The following CES5A variants were observed in gnomAD, a reference collection of about 807,000 sequenced individuals.
CES5A encodes carboxylesterase 5A.
CES5A carries 67 observed loss-of-function variants against 62.9 expected under a neutral mutation model. The observed-to-expected ratio is 1.07, with a 90% CI of 0.88 to 1.31. The LOEUF is 1.31. CES5A is among the 50% of genes most tolerant of loss of function. The pLI is 0.00. For missense variants in CES5A, 748 were observed against 708.5 expected (o/e 1.06, Z -0.63); for synonymous variants, 296 against 280.8 (o/e 1.05, Z -0.54).
At chr16:55,904,559 A>G (rs1448078068) in intron 1 of CES5A, among the ~76,000 whole-genome samples, 1 of 152,176 alleles carries the variant, frequency 6.6e-6, no homozygotes, top group Admixed American at 6.5e-5. Context: ...CCACCACCTG[A>G]CCAGTGATTA....
At chr16:55,932,463 T>TGTTA (rs771973514) in intron 2 of CES5A, among the ~76,000 whole-genome samples, 1 of 151,754 alleles carries the variant, frequency 6.6e-6, no homozygotes, top group South Asian at 2.1e-4. Flanking sequence ...AGAGTAAATA[T>TGTTA]GTTAGTTAGT....
intron 1 of CES5A, among the ~76,000 whole-genome samples, chr16:55,909,876 A>G (rs1029929819): frequency 6.6e-6 from 1 of 152,118 alleles, no homozygotes; most frequent in South Asian, 2.1e-4. Flanking sequence ...GATGGTCCCT[A>G]AGGAGCCCCC....
Position 55,863,394 on chromosome 16 carries a change from G to T in CES5A, c.764C>A (p.Ala255Asp), listed in dbSNP as rs1382030954. Residue 255 changes from alanine to aspartate, a missense_variant, in exon 6 of 13, where the codon GCC (alanine) becomes GAC (aspartate). Transcript: ENST00000290567. ...FHKAIMESGV[A>D]IIPYLEAHDY... ...ATGGGCCTCCAGGTAAGGGATGATG[G>T]CCACCCCACTCTCCATGATGGCTTT... 2 of 1,609,592 alleles carry T rather than the reference G, an allele frequency of 1.2e-6. No homozygotes were observed. Among genetic ancestry groups the T allele is most frequent in the Admixed American group, 1.7e-5 (1 of 60,014 alleles).
At position 55,846,158 on chromosome 16, in the gene CES5A, T is replaced by C; in HGVS notation, c.*293A>G. On this transcript the variant is annotated 3_prime_UTR_variant, in exon 13 of 13. Coordinates refer to ENST00000290567, the MANE Select transcript of CES5A (RefSeq NM_001143685.2). Reference sequence around the variant, plus strand: ...ATTAAATTCTGCCCCCGTATACCTATTTTACATTCTGATTTTATTTCATAT... The same window carrying C: ...ATTAAATTCTGCCCCCGTATACCTACTTTACATTCTGATTTTATTTCATAT... The C allele has an allele frequency of 9.3e-6, 4 of 429,900 alleles. No homozygotes were observed. The highest frequency in any genetic ancestry group is 8.0e-5 in the Admixed American group (2 of 25,014). The allele number at this position is 429,900 out of a possible 1,614,324, so 26.6% of individuals were successfully genotyped here.
At chr16:55,912,196 T>G (rs1360044055) in intron 1 of CES5A, among the ~76,000 whole-genome samples, 3 of 152,164 alleles carry the variant, frequency 2.0e-5, no homozygotes, top group Non-Finnish European at 4.4e-5. Context: ...CTCCATGAAG[T>G]CATCTTCTCG....
Position 55,902,542 on chromosome 16 carries a change from A to T in CES5A, c.-256+22781T>A, listed in dbSNP as rs188114905. On this transcript the variant is annotated intron_variant, in intron 1 of 12. Coordinates refer to the CES5A transcript ENST00000518005. ...GATGTGGGAGAGGAGACCACTTTGG[A>T]TTCTTCTCCATGTCCTGACCTACAT... Among the ~76,000 whole-genome samples the T allele has an allele frequency of 2.2e-3, 339 of 152,246 alleles. 1 individual carries two copies. The highest frequency in any genetic ancestry group is 3.9e-3 in the Non-Finnish European group (268 of 68,002).
intron 1 of CES5A, among the ~76,000 whole-genome samples, chr16:55,911,285 T>A (rs1360440340): frequency 2.0e-5 from 3 of 152,162 alleles, no homozygotes; most frequent in African/African-American, 7.2e-5. Context: ...TTCCTGTAAG[T>A]GAGTGAAGTA....
chr16:55,869,043 G>A (rs1290825404), intron 4 of CES5A, among the ~76,000 whole-genome samples: 5 of 152,244 alleles, frequency 3.3e-5, no homozygotes. Context: ...TCTCAGGTGA[G>A]CATTCGAGAA....
At chr16:55,907,860 A>G (rs1361936419) in intron 1 of CES5A, among the ~76,000 whole-genome samples, 1 of 152,138 alleles carries the variant, frequency 6.6e-6, no homozygotes, top group African/African-American at 2.4e-5. Context: ...GGAATTAATG[A>G]GGAAATCTCC....
chr16:55,907,392 T>G (rs2034049367), intron 1 of CES5A, among the ~76,000 whole-genome samples: 1 of 152,216 alleles, frequency 6.6e-6, no homozygotes, highest in African/African-American at 2.4e-5. Context: ...AGCCACTGTA[T>G]AGTGAGGATT....
chr16:55,899,156 G>T (rs2033964145), intron 1 of CES5A, among the ~76,000 whole-genome samples: 1 of 152,136 alleles, frequency 6.6e-6, no homozygotes, highest in Non-Finnish European at 1.5e-5. Context: ...GCCTGCCCTA[G>T]GTCCTGATGC....
rs543309391 is a variant in CES5A at position 55,940,738 on chromosome 16, T to G, written c.160+9047A>C. Among the ~76,000 whole-genome samples, 79 of 151,834 alleles carry G rather than the reference T, an allele frequency of 5.2e-4. 1 individual carries two copies. Among genetic ancestry groups the G allele is most frequent in the African/African-American group, 1.9e-3 (78 of 41,490 alleles). On this transcript the variant is annotated intron_variant, in intron 2 of 13. Transcript: ENST00000521992. ...ACAAATAGAAAACTGCAGACTAATA[T>G]CCTTCATAAATACAGAAGCAAAATT...
chr16:55,947,671 A>G (rs28472470), intron 2 of CES5A, among the ~76,000 whole-genome samples: 19,155 of 152,052 alleles, frequency 0.13, 1,392 homozygotes, highest in Non-Finnish European at 0.16. Context: ...TGGGTAGTGA[A>G]GGAAGGTCTC....
chr16:55,880,007 C>A (rs1398011578), upstream of CES5A, among the ~76,000 whole-genome samples: 2 of 152,234 alleles, frequency 1.3e-5, no homozygotes, highest in Admixed American at 1.3e-4. Flanking sequence ...CCTCTTCCTG[C>A]CCATGCACTT....
intron 1 of CES5A, among the ~76,000 whole-genome samples, chr16:55,907,321 C>A (rs553776631): frequency 2.0e-5 from 3 of 152,260 alleles, no homozygotes; most frequent in African/African-American, 7.2e-5. Flanking sequence ...GACAAAGGAT[C>A]CAGCTCCTGC....
intron 1 of CES5A, among the ~76,000 whole-genome samples, chr16:55,892,307 C>A (rs1567343345): frequency 6.6e-6 from 1 of 152,280 alleles, no homozygotes; most frequent in Non-Finnish European, 1.5e-5. Context: ...TGGACCAAAC[C>A]AATCTATTTC....
intron 1 of CES5A, among the ~76,000 whole-genome samples, chr16:55,908,824 C>A (rs1380542752): frequency 6.6e-6 from 1 of 152,176 alleles, no homozygotes. Context: ...GGTTGGGTGC[C>A]CCGTGGAGGC....
intron 1 of CES5A, among the ~76,000 whole-genome samples, chr16:55,907,197 C>T (rs1434215293): frequency 6.6e-6 from 1 of 152,138 alleles, no homozygotes; most frequent in Non-Finnish European, 1.5e-5. Flanking sequence ...GAAACTTCAT[C>T]CCATGGGCAA....
At chr16:55,928,327 A>G (rs1308122009), upstream of CES5A, among the ~76,000 whole-genome samples, 1 of 152,180 alleles carries the variant, frequency 6.6e-6, no homozygotes, top group Non-Finnish European at 1.5e-5. Flanking sequence ...ACGGAAAGCC[A>G]AATACTGCGT....
Sources: allele counts gnomAD v4.1 joint callset (sites outside exome capture counted in the v4.1 genomes callset), GRCh38; gene constraint gnomAD v4.1.1; transcripts MANE v1.5; gene names NCBI Gene and HGNC (gene_info 2026-07-23, HGNC 2026-07-21).